The following UTP14A variants were observed in gnomAD, a reference collection of about 807,000 sequenced individuals.
UTP14A encodes the protein UTP14A small subunit processome component, also known as U3 small nucleolar RNA-associated protein 14 homolog A.
A neutral mutation model predicts 57.2 loss-of-function variants in UTP14A; 5 were observed. The ratio of observed to expected loss-of-function variants is 0.09; its 90% CI spans 0.05 to 0.18. UTP14A has a LOEUF of 0.18. UTP14A is among the 10% of genes least tolerant of loss of function. The pLI is 1.00. For synonymous variants in UTP14A, 169 were observed against 210.9 expected (o/e 0.80, Z 1.72); for missense variants, 430 against 562.1 (o/e 0.76, Z 2.38).
At chrX:129,918,790 T>C (rs929257677) in intron 6 of UTP14A, among the ~76,000 whole-genome samples, 1 of 109,476 alleles carries the variant, frequency 9.1e-6, no homozygotes, top group Non-Finnish European at 1.9e-5. Flanking sequence ...GGCAGGAGAA[T>C]GGCGTGAACT....
intron 4 of UTP14A, among the ~76,000 whole-genome samples, chrX:129,910,451 G>A (rs1373368846): frequency 9.0e-6 from 1 of 111,563 alleles, no homozygotes; most frequent in Non-Finnish European, 1.9e-5. Flanking sequence ...TTGGGAGGCC[G>A]AGGTGGGCGG....
At chrX:129,920,792 G>A (rs756581112) in intron 10 of UTP14A, 40 bp downstream of exon 10, 1 of 1,211,377 alleles carries the variant, frequency 8.3e-7, no homozygotes, top group Non-Finnish European at 1.1e-6. Context: ...TGGAATTGGA[G>A]GATGCTAGCA....
Position 129,925,081 on chromosome X carries a change from C to T in UTP14A, c.1635C>T (p.Arg545=). The part of the protein sequence containing the change: ...GQQSERTPNN[R]PDAPKEKKKK... ...AGTCAGAGAGGACCCCAAATAATCG[C>T]CCTGATGCCCCTAAGGAGAAGAAAA... The change falls in exon 12 of 15, where the codon CGC becomes CGT. Residue 545 remains arginine (R), a synonymous_variant. Coordinates refer to ENST00000394422, the MANE Select transcript of UTP14A (RefSeq NM_006649.4). The T allele has an allele frequency of 8.3e-7, 1 of 1,211,332 alleles. No homozygotes were observed. Among genetic ancestry groups the T allele is most frequent in the Non-Finnish European group, 1.1e-6 (1 of 895,462 alleles).
intron 14 of UTP14A, among the ~76,000 whole-genome samples, chrX:129,928,562 G>A (rs1365032658): frequency 9.2e-6 from 1 of 108,789 alleles, no homozygotes; most frequent in Non-Finnish European, 1.9e-5. Flanking sequence ...AAGACATCCT[G>A]GCTAACACGG....
chrX:129,907,929 C>T (rs964468434), intron 2 of UTP14A, 131 bp from the exon 3 acceptor site: 1 of 575,583 alleles, frequency 1.7e-6, no homozygotes, highest in African/African-American at 2.4e-5. Flanking sequence ...GCACTCCATC[C>T]TGGGCAACAG....
chrX:129,923,110 G>A (rs1929975680), intron 11 of UTP14A: 1 of 112,446 alleles, frequency 8.9e-6, no homozygotes, highest in Non-Finnish European at 1.9e-5. Flanking sequence ...GGACCCCAGT[G>A]AAAATGAGCA....
chrX:129,917,528 A>C (rs765261104), intron 6 of UTP14A, among the ~76,000 whole-genome samples: 3 of 111,592 alleles, frequency 2.7e-5, no homozygotes, highest in Non-Finnish European at 3.8e-5. Flanking sequence ...CATCCTCATG[A>C]TAGCATGTGG....
At position 129,920,538 on chromosome X, in the gene UTP14A, A is replaced by G; in HGVS notation, c.834A>G (p.Ala278=). The change falls in exon 9 of 15, where the codon GCA becomes GCG. Residue 278 remains alanine, a synonymous_variant. Transcript: ENST00000394422. ...AGCTGCGGAAGGTTAATCCAGCTGC[A>G]GCACTAGAAGAACTGGAAAAAATTG... The part of the protein sequence containing the change: ...FEQLRKVNPA[A]ALEELEKIEK... The G allele has an allele frequency of 8.2e-7, 1 of 1,212,487 alleles. No homozygotes were observed. The highest frequency in any genetic ancestry group is 1.1e-6 in the Non-Finnish European group (1 of 895,700).
chrX:129,906,181 T>C lies in UTP14A; in HGVS notation c.-30T>C, dbSNP rs780581153. On this transcript the variant is annotated 5_prime_UTR_variant, in exon 1 of 15. Transcript: ENST00000394422. ...ATTGCTTTCCTTCGGCTTCCGTTCT[T>C]GGTCCATGTGAGAGAAGCTGGCTGC... is the stretch of plus-strand genomic sequence containing the variant. 5 of 1,208,971 alleles carry C rather than the reference T, an allele frequency of 4.1e-6. No individual in the cohort carries two copies. The African/African-American group carries it at 8.7e-5, about 21-fold the overall frequency.
At chrX:129,911,231 G>C (rs746399193) in intron 5 of UTP14A, 81 bp downstream of exon 5, 17 of 1,069,592 alleles carry the variant, frequency 1.6e-5, no homozygotes, top group East Asian at 9.2e-5. Flanking sequence ...AGAAGGGAAA[G>C]ACCTGAAAAA....
rs745921843 is a variant in UTP14A at position 129,908,652 on chromosome X, C to T, written c.174-18C>T. Reference sequence around the variant, plus strand: ...TAAAATTTATTCATTCCTATTATATCGTTTTGCCTAATTTCAGGCGGAAAT... The same window carrying T: ...TAAAATTTATTCATTCCTATTATATTGTTTTGCCTAATTTCAGGCGGAAAT... On this transcript the variant is annotated intron_variant, in intron 3 of 14. Transcript: ENST00000394422. The T allele has an allele frequency of 5.8e-6, 7 of 1,205,487 alleles. No homozygotes were observed. The highest frequency in any genetic ancestry group is 1.8e-5 in the South Asian group (1 of 56,802).
chrX:129,908,529 T>G lies in UTP14A; in HGVS notation c.174-141T>G, dbSNP rs182774448. 753 of 582,284 alleles carry G rather than the reference T, an allele frequency of 1.3e-3. 7 individuals are homozygous for G. Among genetic ancestry groups the G allele is most frequent in the Admixed American group, 0.012 (446 of 37,316 alleles). The allele number at this position is 582,284 out of a possible 1,213,427, so 48.0% of individuals were successfully genotyped here. ...AGTCCAAGTTAGGAACAGATCTCCT[T>G]GCTGCATCATGACAAAACATGACCC... On this transcript the variant is annotated intron_variant, in intron 3 of 14. Transcript: ENST00000394422.
chrX:129,919,606 C>T, intron 8 of UTP14A, 117 bp downstream of exon 8: 1 of 811,592 alleles, frequency 1.2e-6, no homozygotes, highest in Admixed American at 3.5e-5. Flanking sequence ...GATGAGGTCC[C>T]AAACAGGAGT....
intron 1 of UTP14A, 82 bp from the exon 2 acceptor site, chrX:129,907,285 T>A: frequency 1.3e-6 from 1 of 773,597 alleles, no homozygotes; most frequent in Non-Finnish European, 1.9e-6. Context: ...AATTTCGACT[T>A]TTATTATAAT....
chrX:129,912,082 T>TA (rs1403053497), intron 6 of UTP14A, among the ~76,000 whole-genome samples, 161 bp downstream of exon 6: 1 of 110,718 alleles, frequency 9.0e-6, no homozygotes, highest in East Asian at 2.8e-4. Context: ...GTCAGTCATG[T>TA]GATAGCCAGT....
In UTP14A at chrX:129,908,499, A is replaced by C. The variant is rs754122316; in HGVS notation, c.174-171A>C. The C allele has an allele frequency of 5.3e-5, 27 of 506,527 alleles. No individual in the cohort carries two copies. In the African/African-American group the frequency reaches 5.6e-4, roughly 11 times the overall value. 41.7% of individuals were successfully genotyped at this position (506,527 alleles called of 1,213,427 possible). On this transcript the variant is annotated intron_variant, in intron 3 of 14. Coordinates refer to ENST00000394422, the MANE Select transcript of UTP14A (RefSeq NM_006649.4). ...TAAAGAGAAGAGATGAGGGTTAGAC[A>C]ACCAAGTCCAAGTTAGGAACAGATC...
At chrX:129,912,491 T>C (rs1365474131) in intron 6 of UTP14A, among the ~76,000 whole-genome samples, 1 of 110,306 alleles carries the variant, frequency 9.1e-6, no homozygotes, top group East Asian at 2.8e-4. Flanking sequence ...TTAAACCATG[T>C]GATTGCCCGT....
At chrX:129,906,311 G>GCC in intron 1 of UTP14A, 75 bp downstream of exon 1, 1 of 1,041,009 alleles carries the variant, frequency 9.6e-7, no homozygotes, top group South Asian at 2.0e-5. Flanking sequence ...GGAAATGGGA[G>GCC]CCCCCCCTTT....
intron 11 of UTP14A, 22 bp downstream of exon 11, chrX:129,921,609 GA>G (rs1055611563): frequency 2.5e-6 from 3 of 1,198,320 alleles, no homozygotes; most frequent in Admixed American, 2.3e-5. Context: ...TCAAATGGAA[GA>G]GGGAAATTCC....
Sources: allele counts gnomAD v4.1 joint callset (sites outside exome capture counted in the v4.1 genomes callset), GRCh38; gene constraint gnomAD v4.1.1; transcripts MANE v1.5; gene names NCBI Gene and HGNC (gene_info 2026-07-23, HGNC 2026-07-21).